Variants in CORO1C observed in about 807,000 individuals in gnomAD.
The protein encoded by CORO1C is coronin 1C, also known as coronin-1C.
CORO1C carries 14 observed loss-of-function variants against 51.2 expected under a neutral mutation model. The observed-to-expected ratio is 0.27, with a 90% CI of 0.18 to 0.43. The LOEUF is 0.43. CORO1C is among the 20% of genes least tolerant of loss of function. CORO1C has a pLI of 1.00. For synonymous variants in CORO1C, 181 were observed against 210.5 expected (o/e 0.86, Z 1.21); for missense variants, 417 against 607.8 (o/e 0.69, Z 3.30).
chr12:108,721,984 G>A (rs2035484029), intron 1 of CORO1C, among the ~76,000 whole-genome samples: 1 of 150,734 alleles, frequency 6.6e-6, no homozygotes, highest in African/African-American at 2.4e-5. Flanking sequence ...GGAGTGACAG[G>A]AAGAACCTTT....
intron 1 of CORO1C, among the ~76,000 whole-genome samples, chr12:108,723,228 C>T (rs1042837885): frequency 1.3e-5 from 2 of 152,206 alleles, no homozygotes; most frequent in South Asian, 2.1e-4. Flanking sequence ...CGCACTTTCA[C>T]GTGTGTTCCT....
chr12:108,671,511 G>A (rs536802512), intron 3 of CORO1C, among the ~76,000 whole-genome samples: 1 of 150,994 alleles, frequency 6.6e-6, no homozygotes, highest in African/African-American at 2.4e-5. Context: ...AAAAAAGACT[G>A]GAAACTATAT....
At position 108,731,223 on chromosome 12, in the gene CORO1C, G is replaced by A; in HGVS notation, c.-6+206C>T. 1 of 152,300 alleles carries A rather than the reference G, an allele frequency of 6.6e-6. No homozygotes were observed. The highest frequency in any genetic ancestry group is 1.5e-5 in the Non-Finnish European group (1 of 68,392). 9.4% of individuals were successfully genotyped at this position (152,300 alleles called of 1,614,324 possible). A position where few individuals can be genotyped will look rare whatever the true frequency, so the allele number is the denominator to read the frequency against. On this transcript the variant is annotated intron_variant, in intron 1 of 10. Transcript: ENST00000261401. This position sits in a 1 kb window ranked among gnomAD's most constrained non-coding sequence, Gnocchi z 5.2. ...TCGGTCCCCAACTCCCTTTCCCCGA[G>A]CCCCCGACAGCAGCCCCCGGCCCTA...
rs754024191 is a variant in CORO1C at position 108,648,809 on chromosome 12, C to A, written c.1101G>T (p.Gly367=). 6.2e-7 allele frequency: 1 copy of A among 1,614,120 alleles called. No individual in the cohort carries two copies. Among genetic ancestry groups the A allele is most frequent in the Non-Finnish European group, 8.5e-7 (1 of 1,180,046 alleles). The change falls in exon 10 of 11, where the codon GGG becomes GGT. Residue 367 remains glycine (G), a synonymous_variant. Transcript: ENST00000261401. ...CTTCTGCCTCCAGCGCGGCCTCTGG[C>A]CCCGCTGTGTCAGGATACAGGTCAT... ...FQDDLYPDTA[G]PEAALEAEEW... is the part of the protein sequence containing the mutation.
chr12:108,713,629 C>T (rs985514855), intron 1 of CORO1C, among the ~76,000 whole-genome samples: 1 of 152,202 alleles, frequency 6.6e-6, no homozygotes, highest in Admixed American at 6.5e-5. Flanking sequence ...CAAAGCTCAT[C>T]AATTCCAGGC....
intron 2 of CORO1C, among the ~76,000 whole-genome samples, chr12:108,689,323 G>A (rs1191093220): frequency 2.6e-5 from 4 of 152,228 alleles, no homozygotes; most frequent in Admixed American, 6.5e-5. Context: ...CATAACTAAT[G>A]TATGTTTTCA....
chr12:108,683,418 CAAA>C (rs372937354), intron 2 of CORO1C, among the ~76,000 whole-genome samples: 5 of 84,654 alleles, frequency 5.9e-5, no homozygotes, highest in Non-Finnish European at 5.3e-5. Flanking sequence ...GACTCTGTCT[CAAA>C]AAAAAAAAAA....
At chr12:108,670,514 A>G (rs1336218562) in intron 3 of CORO1C, among the ~76,000 whole-genome samples, 1 of 152,224 alleles carries the variant, frequency 6.6e-6, no homozygotes, top group Non-Finnish European at 1.5e-5. Flanking sequence ...ATAAAAGCAT[A>G]AGAGAGGCTA....
intron 2 of CORO1C, among the ~76,000 whole-genome samples, chr12:108,678,733 A>C (rs1427210222): frequency 5.3e-5 from 8 of 151,962 alleles, no homozygotes; most frequent in Non-Finnish European, 8.8e-5. Flanking sequence ...AAAAAAAAAA[A>C]AAAACCCTAA....
intron 1 of CORO1C, among the ~76,000 whole-genome samples, chr12:108,711,125 G>A (rs990688375): frequency 3.3e-5 from 5 of 152,252 alleles, no homozygotes; most frequent in African/African-American, 1.2e-4. Flanking sequence ...CATTCTGGGA[G>A]GACAAGGCAG....
chr12:108,682,104 C>A (rs892366919), intron 2 of CORO1C, among the ~76,000 whole-genome samples: 2 of 150,656 alleles, frequency 1.3e-5, no homozygotes, highest in Non-Finnish European at 3.0e-5. Context: ...CTGGCTCAAT[C>A]CAATAGAAAG....
At chr12:108,680,406 C>CA (rs1565917380) in intron 2 of CORO1C, among the ~76,000 whole-genome samples, 1 of 152,084 alleles carries the variant, frequency 6.6e-6, no homozygotes, top group Non-Finnish European at 1.5e-5. Flanking sequence ...AAAAGGACTT[C>CA]AAAAAAGGAA....
intron 1 of CORO1C, among the ~76,000 whole-genome samples, chr12:108,714,077 T>C (rs2035259305): frequency 6.6e-6 from 1 of 152,202 alleles, no homozygotes. Context: ...CAGAGGACTA[T>C]GTGCTCAGTT....
chr12:108,703,604 C>A (rs973843374), intron 1 of CORO1C, among the ~76,000 whole-genome samples: 2 of 152,204 alleles, frequency 1.3e-5, no homozygotes, highest in Admixed American at 6.5e-5. Context: ...ATCCCCAGAA[C>A]ACTCCAAGGA....
intron 2 of CORO1C, among the ~76,000 whole-genome samples, chr12:108,678,720 A>T (rs1180576365): frequency 8.3e-6 from 1 of 120,524 alleles, no homozygotes; most frequent in African/African-American, 3.2e-5. Flanking sequence ...CCATGGCTTA[A>T]AAAAAAAAAA....
At chr12:108,700,876 CACA>C (rs1275292872) in intron 2 of CORO1C, 2 of 417,368 alleles carry the variant, frequency 4.8e-6, no homozygotes, top group Non-Finnish European at 8.6e-6. Context: ...TGCCCATGCT[CACA>C]ACATCGTTAT....
intron 2 of CORO1C, among the ~76,000 whole-genome samples, chr12:108,685,098 A>G (rs2034252230): frequency 6.6e-6 from 1 of 152,226 alleles, no homozygotes; most frequent in African/African-American, 2.4e-5. Flanking sequence ...GGAATCTGGA[A>G]GTACTAGCAC....
chr12:108,712,563 A>G (rs1332198949), intron 1 of CORO1C, among the ~76,000 whole-genome samples: 3 of 133,776 alleles, frequency 2.2e-5, no homozygotes, highest in Non-Finnish European at 4.8e-5. Flanking sequence ...AACAAGCGAA[A>G]CTGTCTCAAA....
At chr12:108,661,186 C>T (rs902742534) in intron 4 of CORO1C, among the ~76,000 whole-genome samples, 2 of 152,196 alleles carry the variant, frequency 1.3e-5, no homozygotes, top group African/African-American at 4.8e-5. Context: ...AAAGTTCCCT[C>T]ATGCTCTCTG....
Sources: allele counts gnomAD v4.1 joint callset (sites outside exome capture counted in the v4.1 genomes callset), GRCh38; gene constraint gnomAD v4.1.1; non-coding constraint Gnocchi (gnomAD v3.1); transcripts MANE v1.5; gene names NCBI Gene and HGNC (gene_info 2026-07-23, HGNC 2026-07-21).